MCTP2: variants seen among roughly 807,000 people sequenced by gnomAD.
MCTP2 encodes multiple C2 and transmembrane domain-containing protein 2.
Under a neutral mutation model 111.6 loss-of-function variants are expected in MCTP2, and 132 were observed. The observed-to-expected ratio is 1.18, with a 90% confidence interval of 1.03 to 1.37. The LOEUF (loss-of-function observed/expected upper bound fraction) is 1.37, where lower values mean the gene tolerates loss of function less well. MCTP2 is among the 40% of genes most tolerant of loss of function. MCTP2 has a pLI of 0.00. For missense variants in MCTP2, 1,183 were observed against 1,067.9 expected, an observed-to-expected ratio of 1.11 and a Z score of -1.50; for synonymous variants, 395 against 387.7, an observed-to-expected ratio of 1.02 and a Z score of -0.22.
chr15:94,358,037 C>T (rs4984385), intron 9 of MCTP2, among the ~76,000 whole-genome samples: 1 of 151,962 alleles, frequency 6.6e-6, no homozygotes, highest in Middle Eastern at 3.2e-3. Flanking sequence ...ATGCAGCTGA[C>T]AGATGTTAAT....
chr15:94,240,340 T>C (rs2070856750), intron 1 of MCTP2, among the ~76,000 whole-genome samples: 1 of 152,162 alleles, frequency 6.6e-6, no homozygotes, highest in Admixed American at 6.6e-5. Context: ...ATCTGGCCTA[T>C]GTCTTTTTTT....
chr15:94,428,667 C>A (rs919753689), intron 17 of MCTP2, among the ~76,000 whole-genome samples: 1 of 152,098 alleles, frequency 6.6e-6, no homozygotes, highest in African/African-American at 2.4e-5. Flanking sequence ...TGTGTCTTAA[C>A]CTCACTTGTA....
rs564808317 is a variant in MCTP2, at chr15:94,297,535, C to T, written c.-65-666C>T. ...GAAAGATACTAGATGGAATCCTAGT[C>T]GATAGGGCCATGTTTTTGTTCTTGA... On this transcript the variant is annotated intron_variant, in intron 1 of 22. Coordinates refer to ENST00000357742, the MANE Select transcript of MCTP2 (RefSeq NM_001385001.1). Among the ~76,000 whole-genome samples, 269 of 152,184 alleles carry T rather than the reference C, an allele frequency of 1.8e-3. 1 individual carries two copies. Among genetic ancestry groups the T allele is most frequent in the African/African-American group, 6.3e-3 (260 of 41,488 alleles).
Position 94,471,016 on chromosome 15 carries a change from C to T in MCTP2, c.2470+574C>T, listed in dbSNP as rs141317805. Among the ~76,000 whole-genome samples, 938 of 152,212 alleles carry T rather than the reference C, an allele frequency of 6.2e-3. 7 individuals carry two copies. Among genetic ancestry groups the T allele is most frequent in the Non-Finnish European group, 9.7e-3 (662 of 68,024 alleles). ...GGTGTGCCTACATAAAGTTTAGCTG[C>T]TTTAAAAAGAAAGTAGAAACAAAAC... On this transcript the variant is annotated intron_variant, in intron 21 of 22. Transcript: ENST00000357742.
Position 94,286,093 on chromosome 15 carries a change from A to T in MCTP2, c.-65-12108A>T, listed in dbSNP as rs74854137. 4.2e-3 allele frequency among the ~76,000 whole-genome samples: 637 copies of T among 152,348 alleles called. 3 individuals are homozygous for T. The highest frequency in any genetic ancestry group is 0.015 in the African/African-American group (605 of 41,582). On this transcript the variant is annotated intron_variant, in intron 1 of 22. Transcript: ENST00000357742. ...GGAAGAAAAGAGCCAAATTTATCTT[A>T]AAAGCAGGGAAATGGTTTGTTTATC...
intron 1 of MCTP2, among the ~76,000 whole-genome samples, chr15:94,267,177 G>C (rs2073587887): frequency 6.6e-6 from 1 of 152,196 alleles, no homozygotes; most frequent in Admixed American, 6.5e-5. Context: ...CATAATGTAG[G>C]TGGTTTCTGT....
At chr15:94,332,214 C>T (rs1250543557) in intron 4 of MCTP2, among the ~76,000 whole-genome samples, 1 of 152,178 alleles carries the variant, frequency 6.6e-6, no homozygotes, top group Non-Finnish European at 1.5e-5. Flanking sequence ...AGCTGAGTAG[C>T]TCAGCTCTAC....
rs573748952 is a variant in MCTP2 at position 94,461,349 on chromosome 15, A to ACTCCAGAGGCTGAGG, written c.2360+3105_2360+3119dup. Among the ~76,000 whole-genome samples, 328 of 152,144 alleles carry ACTCCAGAGGCTGAGG rather than the reference A, an allele frequency of 2.2e-3. 1 individual carries two copies. The highest frequency in any genetic ancestry group is 7.1e-3 in the African/African-American group (295 of 41,506). On this transcript the variant is annotated intron_variant, in intron 20 of 22. Transcript: ENST00000357742. ...GTGGCACATGCCTGTAATCCCAGCT[A>ACTCCAGAGGCTGAGG]CTCCAGAGGCTGAGGCAGGAGAATC...
chr15:94,435,629 C>CTTTTTTTTT (rs202170550), intron 17 of MCTP2, among the ~76,000 whole-genome samples: 3 of 117,922 alleles, frequency 2.5e-5, no homozygotes, highest in African/African-American at 6.3e-5. Flanking sequence ...TTTTTTTATT[C>CTTTTTTTTT]TTTTTTTTTT....
intron 1 of MCTP2, among the ~76,000 whole-genome samples, chr15:94,277,202 TA>T (rs1443333771): frequency 6.6e-6 from 1 of 152,148 alleles, no homozygotes. Context: ...ATGAGATACC[TA>T]GGAATTAATT....
chr15:94,479,162 TTCC>T lies in MCTP2; in HGVS notation c.*136_*138del, dbSNP rs2074603554. On this transcript the variant is annotated 3_prime_UTR_variant, in exon 23 of 23. Coordinates refer to ENST00000357742, the MANE Select transcript of MCTP2 (RefSeq NM_001385001.1). ...ATGCCCTGTGGCACCCTCTGTATAC[TTCC>T]TCCTCCTTCACGTGCACAGACATAC... 3.7e-6 allele frequency: 3 copies of T among 812,718 alleles called. No individual in the cohort carries two copies. Among genetic ancestry groups the T allele is most frequent in the African/African-American group, 3.4e-5 (2 of 59,328 alleles). 50.3% of individuals were successfully genotyped at this position (812,718 alleles called of 1,614,324 possible). A position where few individuals can be genotyped will look rare whatever the true frequency, so the allele number is the denominator to read the frequency against.
intron 1 of MCTP2, among the ~76,000 whole-genome samples, chr15:94,272,268 T>C (rs2073945232): frequency 6.6e-6 from 1 of 152,214 alleles, no homozygotes; most frequent in African/African-American, 2.4e-5. Flanking sequence ...GGATGGCAGA[T>C]AATAACTATT....
At chr15:94,439,325 G>GT (rs987351439) in intron 17 of MCTP2, among the ~76,000 whole-genome samples, 7 of 150,104 alleles carry the variant, frequency 4.7e-5, no homozygotes, top group Admixed American at 2.7e-4. Context: ...TATAGCAGTG[G>GT]TTTTTTTCAA....
Position 94,390,072 on chromosome 15 carries a change from A to ATATGTATATATATATG in MCTP2, c.1788+4550_1788+4551insGTATATATATATGTAT, listed in dbSNP as rs1555464847. ...GGCATATATATATATATATATATAT[A>ATATGTATATATATATG]TATATATATATATATATGTATATAT... On this transcript the variant is annotated intron_variant, in intron 14 of 22. Transcript: ENST00000357742. Among the ~76,000 whole-genome samples, 40 of 16,638 alleles carry ATATGTATATATATATG rather than the reference A, an allele frequency of 2.4e-3. 2 individuals are homozygous for ATATGTATATATATATG. In the South Asian group the frequency reaches 0.062, roughly 26 times the overall value. 10.9% of individuals were successfully genotyped at this position (16,638 alleles called of 152,430 possible).
intron 17 of MCTP2, among the ~76,000 whole-genome samples, chr15:94,439,456 T>C (rs1467367991): frequency 6.6e-6 from 1 of 152,206 alleles, no homozygotes; most frequent in East Asian, 1.9e-4. Flanking sequence ...CACTCCTGCC[T>C]CATGTTATAA....
At chr15:94,453,846 G>A (rs2084627874) in intron 19 of MCTP2, among the ~76,000 whole-genome samples, 1 of 152,108 alleles carries the variant, frequency 6.6e-6, no homozygotes, top group Non-Finnish European at 1.5e-5. Context: ...AGCCTCAACA[G>A]CTACTTTAAG....
chr15:94,333,394 T>G (rs1211502346), intron 4 of MCTP2, among the ~76,000 whole-genome samples: 3 of 152,116 alleles, frequency 2.0e-5, no homozygotes, highest in African/African-American at 7.2e-5. Context: ...ATGGGAATAT[T>G]TTTTCTTTTT....
intron 1 of MCTP2, among the ~76,000 whole-genome samples, chr15:94,243,626 C>T (rs1442411112): frequency 2.7e-5 from 4 of 148,618 alleles, no homozygotes; most frequent in African/African-American, 9.9e-5. Context: ...TGTATATACG[C>T]ATATGCGTAT....
At chr15:94,345,067 T>C in intron 7 of MCTP2, 62 bp from the exon 8 acceptor site, 2 of 1,562,382 alleles carry the variant, frequency 1.3e-6, no homozygotes, top group Non-Finnish European at 1.8e-6. Flanking sequence ...ACATTGATAA[T>C]GATTCTATCT....
Sources: gnomAD v4.1 joint callset for allele counts (sites outside exome capture counted in the v4.1 genomes callset) on GRCh38, gnomAD v4.1.1 for gene constraint, MANE v1.5 for transcripts, NCBI Gene and HGNC (gene_info 2026-07-23, HGNC 2026-07-21) for gene names.